The following SLC39A9 variants were observed in gnomAD, a reference collection of about 807,000 sequenced individuals.
SLC39A9 encodes solute carrier family 39 member 9.
In SLC39A9, 14 loss-of-function variants were observed where a neutral mutation model predicts 28.4. That is an observed-to-expected ratio of 0.49 (90% CI 0.33 to 0.77). The LOEUF (loss-of-function observed/expected upper bound fraction) is 0.77, where lower values mean the gene tolerates loss of function less well. SLC39A9 is among the 30% of genes least tolerant of loss of function. SLC39A9 has a pLI of 0.02. For missense variants in SLC39A9, 283 were observed against 381.1 expected (o/e 0.74, Z 2.14); for synonymous variants, 119 against 149.6 (o/e 0.80, Z 1.49).
intron 5 of SLC39A9, among the ~76,000 whole-genome samples, chr14:69,455,159 T>G (rs1359299169): frequency 6.6e-6 from 1 of 152,212 alleles, no homozygotes; most frequent in African/African-American, 2.4e-5. Flanking sequence ...AGTAATAATT[T>G]CTGTTCAAAA....
chr14:69,405,596 C>T (rs369772450), intron 1 of SLC39A9, among the ~76,000 whole-genome samples: 1 of 152,000 alleles, frequency 6.6e-6, no homozygotes, highest in South Asian at 2.1e-4. Flanking sequence ...GATGAATGAA[C>T]GTAAATTATA....
rs372313844 is a variant in SLC39A9 at position 69,422,113 on chromosome 14, A to G, written c.97-1981A>G. On this transcript the variant is annotated intron_variant, in intron 1 of 6. Transcript: ENST00000336643. ...GATCACACTGGGAGCTGCAGACCGG[A>G]ATTGTTCCTATTCGGCCATCTTGGA... is the stretch of plus-strand genomic sequence containing the variant. Among the ~76,000 whole-genome samples the G allele has an allele frequency of 8.5e-5, 13 of 152,308 alleles. No individual in the cohort carries two copies. The East Asian group carries it at 1.7e-3, about 20-fold the overall frequency.
At chr14:69,455,568 C>T (rs947456130) in intron 5 of SLC39A9, among the ~76,000 whole-genome samples, 164 bp from the exon 6 acceptor site, 1 of 152,160 alleles carries the variant, frequency 6.6e-6, no homozygotes, top group African/African-American at 2.4e-5. Flanking sequence ...GATCCACCCA[C>T]CTCGACCTCC....
At position 69,461,702 on chromosome 14, in the gene SLC39A9, G is replaced by A. The variant is rs1412403161; in HGVS notation, c.*3109G>A. 1 of 1,535,652 alleles carries A rather than the reference G, an allele frequency of 6.5e-7. No homozygotes were observed. The highest frequency in any genetic ancestry group is 1.4e-5 in the African/African-American group (1 of 72,958). ...TGGTTTTTCTCTTTTTCAAGGATTAGAACTAAGAGGACACACCAGCATCGG... is the reference window on the plus strand; with the variant it reads ...TGGTTTTTCTCTTTTTCAAGGATTAAAACTAAGAGGACACACCAGCATCGG... On this transcript the variant is annotated 3_prime_UTR_variant, in exon 7 of 7. Coordinates refer to ENST00000336643, the MANE Select transcript of SLC39A9 (RefSeq NM_018375.5).
Position 69,424,119 on chromosome 14 carries a change from T to C in SLC39A9, c.122T>C (p.Leu41Ser). The C allele has an allele frequency of 3.7e-6, 6 of 1,613,884 alleles. No individual in the cohort carries two copies. The highest frequency in any genetic ancestry group is 1.3e-5 in the African/African-American group (1 of 75,056). The change falls in exon 2 of 7, where the codon TTG becomes TCG. Residue 41 changes from leucine to serine, a missense_variant. Coordinates refer to ENST00000336643, the MANE Select transcript of SLC39A9 (RefSeq NM_018375.5). ...SEERLKLVTV[L>S]GAGLLCGTAL... ...GAACGACTGAAGCTGGTGACTGTTT[T>C]GGGTGCTGGCCTTCTCTGTGGAACT...
chr14:69,442,369 T>C (rs1885090182), intron 3 of SLC39A9, 103 bp downstream of exon 3: 4 of 1,111,890 alleles, frequency 3.6e-6, no homozygotes, highest in Non-Finnish European at 5.3e-6. Context: ...TATTTAGTGC[T>C]AAAACTCTTG....
intron 1 of SLC39A9, among the ~76,000 whole-genome samples, chr14:69,405,990 G>A (rs982257711): frequency 6.6e-5 from 10 of 152,172 alleles, no homozygotes; most frequent in African/African-American, 2.4e-4. Context: ...CTCTGGTAGA[G>A]GTGTGATTTG....
intron 1 of SLC39A9, among the ~76,000 whole-genome samples, chr14:69,416,654 G>C (rs1349165289): frequency 2.0e-5 from 3 of 152,072 alleles, no homozygotes. Flanking sequence ...ACTTTTTATT[G>C]ATCGCCATTC....
At chr14:69,407,905 C>T (rs2140250580) in intron 1 of SLC39A9, among the ~76,000 whole-genome samples, 1 of 152,332 alleles carries the variant, frequency 6.6e-6, no homozygotes, top group South Asian at 2.1e-4. Flanking sequence ...GCTGGGATTA[C>T]AGGCATGAGC....
intron 2 of SLC39A9, among the ~76,000 whole-genome samples, chr14:69,437,988 G>C (rs1884860075): frequency 6.7e-6 from 1 of 150,040 alleles, no homozygotes; most frequent in Admixed American, 6.7e-5. Flanking sequence ...TGTTTTTGCT[G>C]CTTTACTCTC....
chr14:69,445,862 C>T (rs10138494), intron 3 of SLC39A9, among the ~76,000 whole-genome samples: 2,844 of 152,052 alleles, frequency 0.019, 99 homozygotes, highest in African/African-American at 0.065. Context: ...TGGATGGGAG[C>T]GCTAACTGAA....
Position 69,398,731 on chromosome 14 carries a change from G to C in SLC39A9, c.-639G>C, listed in dbSNP as rs1464728856. 4.5e-6 allele frequency: 1 copy of C among 223,032 alleles called. No individual in the cohort carries two copies. Among genetic ancestry groups the C allele is most frequent in the African/African-American group, 2.4e-5 (1 of 42,252 alleles). 13.8% of individuals were successfully genotyped at this position (223,032 alleles called of 1,614,324 possible). ...TGGCGGCCATGGCAGCTGTAGTATC[G>C]GCGACTCCGGGTCAAGGCCCGGTCG... On this transcript the variant is annotated 5_prime_UTR_variant, in exon 1 of 7. Transcript: ENST00000336643.
At chr14:69,454,251 A>G (rs957622104) in intron 4 of SLC39A9, among the ~76,000 whole-genome samples, 1 of 152,206 alleles carries the variant, frequency 6.6e-6, no homozygotes, top group Admixed American at 6.5e-5. Flanking sequence ...TCATCTATAT[A>G]GAGTTCTAGT....
intron 1 of SLC39A9, among the ~76,000 whole-genome samples, chr14:69,407,973 T>C (rs1187578197): frequency 6.6e-6 from 1 of 152,052 alleles, no homozygotes; most frequent in African/African-American, 2.4e-5. Flanking sequence ...CAATTCCTCA[T>C]CATTCTAGTC....
At chr14:69,406,976 C>G (rs1024852185) in intron 1 of SLC39A9, among the ~76,000 whole-genome samples, 2 of 149,460 alleles carry the variant, frequency 1.3e-5, no homozygotes, top group South Asian at 2.1e-4. Context: ...TCAGCCCCCC[C>G]AGTAGATGGG....
chr14:69,425,210 A>G (rs1432806718), intron 2 of SLC39A9, among the ~76,000 whole-genome samples: 1 of 152,212 alleles, frequency 6.6e-6, no homozygotes, highest in Admixed American at 6.5e-5. Context: ...AATGATTTAC[A>G]TGCACTATTG....
intron 1 of SLC39A9, among the ~76,000 whole-genome samples, chr14:69,405,837 T>C (rs1189234501): frequency 1.3e-5 from 2 of 152,222 alleles, no homozygotes; most frequent in African/African-American, 4.8e-5. Context: ...ATCTGCATAA[T>C]AATATTAATA....
chr14:69,444,801 G>A (rs572870715), intron 3 of SLC39A9, among the ~76,000 whole-genome samples: 14 of 152,212 alleles, frequency 9.2e-5, no homozygotes, highest in South Asian at 6.2e-4. Context: ...CTATGTAGCT[G>A]TAGAAAAGAA....
At chr14:69,430,053 C>T (rs1413180892) in intron 2 of SLC39A9, among the ~76,000 whole-genome samples, 2 of 152,088 alleles carry the variant, frequency 1.3e-5, no homozygotes, top group African/African-American at 4.8e-5. Context: ...ATTGAGTTTC[C>T]TTATTACTGA....
Sources: allele counts gnomAD v4.1 joint callset (sites outside exome capture counted in the v4.1 genomes callset), GRCh38; gene constraint gnomAD v4.1.1; transcripts MANE v1.5; gene names NCBI Gene and HGNC (gene_info 2026-07-23, HGNC 2026-07-21).